The following ITPR1 variants were observed in gnomAD, a reference collection of about 807,000 sequenced individuals.
The protein encoded by ITPR1 is inositol 1,4,5-trisphosphate receptor type 1.
A neutral mutation model predicts 318.4 loss-of-function variants in ITPR1; 96 were observed. The observed-to-expected ratio is 0.30, with a 90% CI of 0.26 to 0.36. The LOEUF is 0.36. Ranked by LOEUF, ITPR1 falls within the 10% of genes least tolerant of loss-of-function variation. The pLI is 1.00. For missense variants in ITPR1, 2,440 were observed against 3,460.2 expected, an observed-to-expected ratio of 0.71 and a Z score of 7.40; for synonymous variants, 1,312 against 1,289.9, an observed-to-expected ratio of 1.02 and a Z score of -0.37.
chr3:4,829,436 A>AT (rs1470512270), intron 60 of ITPR1, among the ~76,000 whole-genome samples: 2 of 150,998 alleles, frequency 1.3e-5, no homozygotes, highest in African/African-American at 5.0e-5. Context: ...ATGGAATCCC[A>AT]TTTTTAAAAA....
At chr3:4,576,600 G>T (rs187685241) in intron 4 of ITPR1, among the ~76,000 whole-genome samples, 1 of 152,334 alleles carries the variant, frequency 6.6e-6, no homozygotes, top group Non-Finnish European at 1.5e-5. Context: ...CAATAAATAT[G>T]CCAGGCAGCT....
At chr3:4,524,684 G>A (rs2082838139) in intron 4 of ITPR1, among the ~76,000 whole-genome samples, 1 of 152,130 alleles carries the variant, frequency 6.6e-6, no homozygotes, top group Non-Finnish European at 1.5e-5. Context: ...GAAATCCAAG[G>A]CCTGTTTATG....
chr3:4,568,625 A>T (rs1164340505), intron 4 of ITPR1, among the ~76,000 whole-genome samples: 1 of 152,128 alleles, frequency 6.6e-6, no homozygotes, highest in African/African-American at 2.4e-5. Flanking sequence ...AGACAGAGGC[A>T]CTCCAGCAAA....
Position 4,738,941 on chromosome 3 carries a change from G to A in ITPR1, c.5544+3587G>A, listed in dbSNP as rs116050335. ...ACGCACATGCTGTTTTCTCCTCCCC[G>A]CTTCTGTGACCCCTGGGGGGCCCAG... On this transcript the variant is annotated intron_variant, in intron 44 of 61. Coordinates refer to ENST00000649015, the MANE Select transcript of ITPR1 (RefSeq NM_001378452.1). Among the ~76,000 whole-genome samples, 879 of 151,904 alleles carry A rather than the reference G, an allele frequency of 5.8e-3. 6 individuals carry two copies. The highest frequency in any genetic ancestry group is 9.8e-3 in the Non-Finnish European group (670 of 68,022).
intron 53 of ITPR1, among the ~76,000 whole-genome samples, chr3:4,797,958 T>C (rs2047997458): frequency 6.6e-6 from 1 of 152,244 alleles, no homozygotes; most frequent in Admixed American, 6.5e-5. Context: ...CAAATTCAGA[T>C]TTCTCCAACT....
chr3:4,655,644 C>T (rs1000016884), intron 12 of ITPR1, among the ~76,000 whole-genome samples: 3 of 152,122 alleles, frequency 2.0e-5, no homozygotes, highest in African/African-American at 7.2e-5. Context: ...AGGAAGCAGC[C>T]GTTGAGAGTG....
At chr3:4,823,841 A>G (rs567787295) in intron 60 of ITPR1, among the ~76,000 whole-genome samples, 7 of 152,202 alleles carry the variant, frequency 4.6e-5, no homozygotes, top group Admixed American at 2.6e-4. Flanking sequence ...CACTATATAC[A>G]TGTAACACAA....
intron 48 of ITPR1, among the ~76,000 whole-genome samples, chr3:4,777,702 C>T (rs138739105): frequency 5.4e-4 from 82 of 151,882 alleles, no homozygotes; most frequent in African/African-American, 1.6e-3. Context: ...ACAGTGGAAA[C>T]GCCATTCCCT....
intron 61 of ITPR1, among the ~76,000 whole-genome samples, chr3:4,843,255 C>T (rs1317921319): frequency 6.6e-6 from 1 of 152,120 alleles, no homozygotes; most frequent in Non-Finnish European, 1.5e-5. Context: ...GAGTATCAGT[C>T]AAATGTGTGT....
chr3:4,714,894 G>GCT (rs779186041), intron 39 of ITPR1, among the ~76,000 whole-genome samples: 108 of 152,254 alleles, frequency 7.1e-4, no homozygotes, highest in Non-Finnish European at 1.3e-3. Flanking sequence ...ACTAAAACAT[G>GCT]ATAGAATCAC....
intron 12 of ITPR1, among the ~76,000 whole-genome samples, chr3:4,655,738 G>T (rs2093692284): frequency 6.6e-6 from 1 of 152,160 alleles, no homozygotes. Flanking sequence ...CAGAGAGGCG[G>T]ATGTGCCAGC....
intron 30 of ITPR1, among the ~76,000 whole-genome samples, chr3:4,687,183 T>G (rs899567032): frequency 2.6e-5 from 4 of 152,250 alleles, no homozygotes; most frequent in Non-Finnish European, 4.4e-5. Flanking sequence ...AATAGTCACA[T>G]AAGTACCTAC....
Position 4,697,264 on chromosome 3 carries a change from A to G in ITPR1, c.4399A>G (p.Ile1467Val). The G allele has an allele frequency of 1.3e-6, 2 of 1,555,722 alleles. No individual in the cohort carries two copies. Among genetic ancestry groups the G allele is most frequent in the Non-Finnish European group, 1.7e-6 (2 of 1,148,968 alleles). Reference sequence around the variant, plus strand: ...ATTGTTTGAGAATTTCCTTGTAGACATCTGCAGGGTAAGGCTTTTGGAACT... The same window carrying G: ...ATTGTTTGAGAATTTCCTTGTAGACGTCTGCAGGGTAAGGCTTTTGGAACT... ...WKLFENFLVDICRACNNTSDR... is the reference protein window; with the variant it reads ...WKLFENFLVDVCRACNNTSDR... The change falls in exon 34 of 62, where the codon ATC becomes GTC. Residue 1467 changes from isoleucine to valine, a missense_variant. Around this residue, in one of 23 missense-constraint regions of ITPR1, gnomAD observed 73 missense variants for 59.5 expected, o/e 1.23. Transcript: ENST00000649015.
chr3:4,554,645 G>A (rs2085940909), intron 4 of ITPR1, among the ~76,000 whole-genome samples: 1 of 152,146 alleles, frequency 6.6e-6, no homozygotes, highest in South Asian at 2.1e-4. Context: ...AGAGCAGATG[G>A]GCAGAGACTG....
intron 46 of ITPR1, among the ~76,000 whole-genome samples, chr3:4,769,792 G>C (rs2046069295): frequency 6.6e-6 from 1 of 152,210 alleles, no homozygotes; most frequent in Non-Finnish European, 1.5e-5. Flanking sequence ...GAGGGCACAT[G>C]ATGTCCCTTG....
In ITPR1 at chr3:4,670,864, G is replaced by A. The variant is rs759032396; in HGVS notation, c.2142G>A (p.Arg714=). Residue 714 remains arginine, a synonymous_variant, in exon 20 of 62, where the codon AGG becomes AGA. Transcript: ENST00000649015. ...SNKEIRSKSV[R]ELAQDAKEGQ... ...AAGAGATTCGCAGCAAGAGTGTGAG[G>A]GAATTGGCTCAGGATGCTAAAGAAG... 1.2e-6 allele frequency: 2 copies of A among 1,610,566 alleles called. No homozygotes were observed. The highest frequency in any genetic ancestry group is 1.7e-6 in the Non-Finnish European group (2 of 1,178,204).
chr3:4,800,648 G>T, intron 54 of ITPR1, 48 bp downstream of exon 54: 1 of 1,570,678 alleles, frequency 6.4e-7, no homozygotes, highest in Non-Finnish European at 8.8e-7. Context: ...CAGATTAATA[G>T]GAATGCCTTG....
intron 24 of ITPR1, among the ~76,000 whole-genome samples, chr3:4,679,770 G>A (rs1431269615): frequency 6.6e-6 from 1 of 152,170 alleles, no homozygotes; most frequent in Non-Finnish European, 1.5e-5. Context: ...CACTGAGTTT[G>A]AGGCCCTGGG....
At chr3:4,515,035 TTC>T (rs1322337547) in intron 2 of ITPR1, among the ~76,000 whole-genome samples, 4 of 152,234 alleles carry the variant, frequency 2.6e-5, no homozygotes, top group African/African-American at 9.6e-5. Flanking sequence ...TTATTCTGTG[TTC>T]TCAGTTGCTG....
Sources: gnomAD v4.1 joint callset for allele counts (sites outside exome capture counted in the v4.1 genomes callset) on GRCh38, gnomAD v4.1.1 for gene constraint, gnomAD v4.1.1 regional missense constraint, MANE v1.5 for transcripts, NCBI Gene and HGNC (gene_info 2026-07-23, HGNC 2026-07-21) for gene names.